Variants in DZIP1 observed in about 807,000 individuals in gnomAD.
The protein encoded by DZIP1 is cilium assembly protein DZIP1.
In DZIP1, 97 loss-of-function variants were observed where a neutral mutation model predicts 107.6. That is an observed-to-expected ratio of 0.90 (90% CI 0.77 to 1.07). The LOEUF (loss-of-function observed/expected upper bound fraction) is 1.07, where lower values mean the gene tolerates loss of function less well. Ranked by LOEUF, DZIP1 falls within the 50% of genes least tolerant of loss-of-function variation. The probability of loss-of-function intolerance (pLI) is 0.00; values close to 1 mark genes in which losing one functional copy is unlikely to be tolerated. For missense variants in DZIP1, 1,035 were observed against 1,063.6 expected, an observed-to-expected ratio of 0.97 and a Z score of 0.37; for synonymous variants, 390 against 386.4, an observed-to-expected ratio of 1.01 and a Z score of -0.11.
chr13:95,615,516 A>T (rs1411161208), intron 10 of DZIP1, among the ~76,000 whole-genome samples: 1 of 152,220 alleles, frequency 6.6e-6, no homozygotes, highest in Non-Finnish European at 1.5e-5. Context: ...TGTGTTCCAG[A>T]CTTATCTACT....
chr13:95,603,749 T>C (rs931178927), intron 14 of DZIP1, among the ~76,000 whole-genome samples: 5 of 152,228 alleles, frequency 3.3e-5, no homozygotes, highest in Non-Finnish European at 7.3e-5. Flanking sequence ...ATTGTTTATC[T>C]TCTCCAGAAC....
intron 5 of DZIP1, among the ~76,000 whole-genome samples, chr13:95,637,490 G>C (rs1310814897): frequency 4.6e-5 from 7 of 152,162 alleles, no homozygotes; most frequent in Non-Finnish European, 8.8e-5. Flanking sequence ...TGTAGTCCCA[G>C]CTACTTGCAA....
chr13:95,617,477 A>G (rs1875259984), intron 10 of DZIP1, among the ~76,000 whole-genome samples: 1 of 152,114 alleles, frequency 6.6e-6, no homozygotes, highest in Non-Finnish European at 1.5e-5. Context: ...GACATTGAGA[A>G]GAGAAATACA....
At chr13:95,592,271 A>G (rs1163799805) in intron 16 of DZIP1, among the ~76,000 whole-genome samples, 1 of 152,228 alleles carries the variant, frequency 6.6e-6, no homozygotes, top group African/African-American at 2.4e-5. Context: ...AGAGAAAAAA[A>G]AGAATGTTTT....
At chr13:95,605,772 G>A (rs1254319057) in intron 14 of DZIP1, among the ~76,000 whole-genome samples, 2 of 152,146 alleles carry the variant, frequency 1.3e-5, no homozygotes, top group African/African-American at 4.8e-5. Flanking sequence ...TTGTGAGTCT[G>A]GCAACCTTTT....
At chr13:95,586,189 C>A in intron 20 of DZIP1, 53 bp from the exon 21 acceptor site, 1 of 1,457,892 alleles carries the variant, frequency 6.9e-7, no homozygotes, top group South Asian at 1.3e-5. Context: ...TTTAATCTAT[C>A]TTTAGTTCCA....
intron 7 of DZIP1, among the ~76,000 whole-genome samples, chr13:95,629,765 T>C (rs1301925062): frequency 3.3e-5 from 5 of 152,202 alleles, no homozygotes; most frequent in Non-Finnish European, 5.9e-5. Context: ...GTGTGTTATA[T>C]GAATTCCACC....
chr13:95,595,676 G>A (rs1251235063), intron 15 of DZIP1, among the ~76,000 whole-genome samples: 25 of 152,070 alleles, frequency 1.6e-4, no homozygotes, highest in Non-Finnish European at 2.9e-5. Context: ...AAGAGGCACC[G>A]AGAGAGCCTG....
chr13:95,621,664 C>CTGTG (rs1282902879), intron 9 of DZIP1, among the ~76,000 whole-genome samples: 90 of 86,278 alleles, frequency 1.0e-3, no homozygotes, highest in Admixed American at 2.5e-3. Context: ...GACCAGTTAG[C>CTGTG]AGTGTGTGTG....
intron 5 of DZIP1, among the ~76,000 whole-genome samples, chr13:95,639,604 AAAAG>A (rs1176698781): frequency 2.0e-5 from 3 of 151,530 alleles, no homozygotes; most frequent in East Asian, 1.9e-4. Flanking sequence ...AAAAAAAAAA[AAAAG>A]AGAGAGAGAG....
At chr13:95,608,359 G>T (rs76809707) in intron 13 of DZIP1, among the ~76,000 whole-genome samples, 2,362 of 150,864 alleles carry the variant, frequency 0.016, 59 homozygotes, top group African/African-American at 0.053. Context: ...TATATAAAAA[G>T]AACCTCTAAT....
At chr13:95,594,211 T>G in intron 15 of DZIP1, 125 bp from the exon 16 acceptor site, 1 of 795,984 alleles carries the variant, frequency 1.3e-6, no homozygotes, top group Non-Finnish European at 1.9e-6. Flanking sequence ...TTTTAAAGTT[T>G]TTGGATATTT....
At chr13:95,640,758 T>G (rs1007480924) in intron 5 of DZIP1, among the ~76,000 whole-genome samples, 4 of 152,198 alleles carry the variant, frequency 2.6e-5, no homozygotes, top group African/African-American at 9.7e-5. Flanking sequence ...GATCTGCAAC[T>G]CACTGTGAAA....
rs916853344 is a variant in DZIP1 at position 95,608,292 on chromosome 13, C to A, written c.1420+1165G>T. 7.2e-5 allele frequency among the ~76,000 whole-genome samples: 11 copies of A among 151,920 alleles called. No homozygotes were observed. The South Asian group carries it at 2.3e-3, about 32-fold the overall frequency. ...AATGAATTTTATATATACTATAATA[C>A]AAATGTGTACATTTTAAAACAAAAA... is the stretch of plus-strand genomic sequence containing the variant. On this transcript the variant is annotated intron_variant, in intron 13 of 22. Transcript: ENST00000376829.
intron 11 of DZIP1, 122 bp downstream of exon 11, chr13:95,611,915 G>C: frequency 7.9e-7 from 1 of 1,263,208 alleles, no homozygotes; most frequent in South Asian, 1.8e-5. Flanking sequence ...CAATCACAAG[G>C]GGAAAAATAT....
rs746580765 is a variant in DZIP1 at position 95,586,152 on chromosome 13, A to C, written c.2219-16T>G. 1.9e-6 allele frequency: 3 copies of C among 1,574,348 alleles called. No individual in the cohort carries two copies. The highest frequency in any genetic ancestry group is 2.6e-6 in the Non-Finnish European group (3 of 1,166,832). ...ACGGCGACTCCTATAAGATCAATAAAAATTAGGCAAGTTAAGTATTTAAAA... is the reference window on the plus strand; with the variant it reads ...ACGGCGACTCCTATAAGATCAATAACAATTAGGCAAGTTAAGTATTTAAAA... On this transcript the variant is annotated splice_polypyrimidine_tract_variant and intron_variant, in intron 20 of 22. Transcript: ENST00000376829.
chr13:95,641,795 C>G lies in DZIP1; in HGVS notation c.97G>C (p.Val33Leu). 1.3e-6 allele frequency: 2 copies of G among 1,502,180 alleles called. No individual in the cohort carries two copies. Among genetic ancestry groups the G allele is most frequent in the Non-Finnish European group, 1.8e-6 (2 of 1,135,312 alleles). The allele number at this position is 1,502,180 out of a possible 1,614,324, so 93.1% of individuals were successfully genotyped here. A position where few individuals can be genotyped will look rare whatever the true frequency, so the allele number is the denominator to read the frequency against. ...GCCGCACCCGCGGCGGCGGCGGCCA[C>G]AGCGACGTCGGGCCCCTCTGGGCCG... ...ASGPEGPDVA[V>L]AAAAAGAASM... The change falls in exon 5 of 23, where the codon GTG becomes CTG. Residue 33 changes from valine to leucine, a missense_variant. Val to Leu is a conservative substitution (Grantham distance 32). Transcript: ENST00000376829. The surrounding 1 kb of genome is among the most constrained non-coding windows in gnomAD (Gnocchi z 4.3).
At chr13:95,599,744 A>G (rs1346947940) in intron 14 of DZIP1, among the ~76,000 whole-genome samples, 1 of 152,242 alleles carries the variant, frequency 6.6e-6, no homozygotes, top group African/African-American at 2.4e-5. Flanking sequence ...AAAGATCTTC[A>G]TTACTTATAA....
chr13:95,626,708 T>G (rs1316471878), intron 7 of DZIP1, among the ~76,000 whole-genome samples: 2 of 152,206 alleles, frequency 1.3e-5, no homozygotes, highest in African/African-American at 4.8e-5. Context: ...AAAAAGCAGC[T>G]ATATTTCTAT....
Sources: allele counts gnomAD v4.1 joint callset (sites outside exome capture counted in the v4.1 genomes callset), GRCh38; gene constraint gnomAD v4.1.1; non-coding constraint Gnocchi (gnomAD v3.1); transcripts MANE v1.5; gene names NCBI Gene and HGNC (gene_info 2026-07-23, HGNC 2026-07-21).